Variants in FSD2 observed in about 807,000 individuals in gnomAD.
FSD2 encodes fibronectin type III and SPRY domain containing 2.
A neutral mutation model predicts 80.4 loss-of-function variants in FSD2; 71 were observed. The observed-to-expected ratio is 0.88, with a 90% CI of 0.73 to 1.08. The LOEUF is 1.08. Among genes scored for constraint, FSD2 ranks in the 50% least tolerant of loss-of-function variants. The pLI is 0.00. For synonymous variants in FSD2, 361 were observed against 329.5 expected (o/e 1.10, Z -1.03); for missense variants, 923 against 913.8 (o/e 1.01, Z -0.13).
chr15:82,794,955 A>T (rs1213002215), intron 1 of FSD2, among the ~76,000 whole-genome samples: 1 of 151,706 alleles, frequency 6.6e-6, no homozygotes, highest in Non-Finnish European at 1.5e-5. Context: ...CGATCTCCTG[A>T]CCTCGTGATC....
chr15:82,780,316 C>G, intron 4 of FSD2, 49 bp from the exon 5 acceptor site: 6 of 1,275,028 alleles, frequency 4.7e-6, no homozygotes, highest in Non-Finnish European at 6.4e-6. Context: ...AAATAAATTT[C>G]TTTTTTCTTT....
chr15:82,759,324 C>CAGG lies in FSD2; in HGVS notation c.*21_*23dup, dbSNP rs748312699. On this transcript the variant is annotated 3_prime_UTR_variant, in exon 13 of 13. Transcript: ENST00000334574. ...CTGCGAGAGGGGTAGGCATGGAAGA[C>CAGG]AGGAAACTGGACATCAGAATGTTCT... is the stretch of plus-strand genomic sequence containing the variant. The CAGG allele has an allele frequency of 6.2e-7, 1 of 1,608,398 alleles. No individual in the cohort carries two copies. The highest frequency in any genetic ancestry group is 8.5e-7 in the Non-Finnish European group (1 of 1,177,588).
chr15:82,762,000 T>C, intron 12 of FSD2, 102 bp downstream of exon 12: 3 of 1,061,738 alleles, frequency 2.8e-6, no homozygotes, highest in Non-Finnish European at 3.9e-6. Flanking sequence ...TCTTAAAATA[T>C]TTGTAAAATA....
In FSD2 at chr15:82,780,255, T is replaced by C. The variant is rs2049821361; in HGVS notation, c.979A>G (p.Met327Val). The C allele has an allele frequency of 4.6e-6, 7 of 1,507,858 alleles. No homozygotes were observed. Among genetic ancestry groups the C allele is most frequent in the African/African-American group, 1.4e-5 (1 of 69,966 alleles). 93.4% of individuals were successfully genotyped at this position (1,507,858 alleles called of 1,614,324 possible). ...GAACAAATGTATTACCTGTCAGCCA[T>C]AGCCACTGCATCCTAAAAAGGAAAA... is the stretch of plus-strand genomic sequence containing the variant. ...KVDFIKDAVA[M>V]ADRLGKFLKT... The change falls in exon 5 of 13, where the codon ATG (methionine) becomes GTG (valine). Residue 327 changes from methionine to valine, a missense_variant. Physicochemically the swap from Met to Val is conservative, Grantham distance 21. Transcript: ENST00000334574.
rs60095355 is a variant in FSD2 at position 82,764,492 on chromosome 15, C to CTTTTTTTTTTTTTTTTTTTTTTTTTT, written c.1820+673_1820+674insAAAAAAAAAAAAAAAAAAAAAAAAAA. Among the ~76,000 whole-genome samples the CTTTTTTTTTTTTTTTTTTTTTTTTTT allele has an allele frequency of 1.3e-3, 112 of 86,120 alleles. 17 individuals are homozygous for CTTTTTTTTTTTTTTTTTTTTTTTTTT. Among genetic ancestry groups the CTTTTTTTTTTTTTTTTTTTTTTTTTT allele is most frequent in the Non-Finnish European group, 1.6e-3 (71 of 45,412 alleles). The allele number at this position is 86,120 out of a possible 152,430, so 56.5% of individuals were successfully genotyped here. ...CTCTTGTTGCTTCATTCTTTACTTGCTTTTTTTTTTTTTTTTTTTTGAGAA... is the reference window on the plus strand; with the variant it reads ...CTCTTGTTGCTTCATTCTTTACTTGCTTTTTTTTTTTTTTTTTTTTTTTTTTTTTTTTTTTTTTTTTTTTTTGAGAA... On this transcript the variant is annotated intron_variant, in intron 11 of 12. Coordinates refer to ENST00000334574, the MANE Select transcript of FSD2 (RefSeq NM_001007122.4).
At chr15:82,765,796 C>A in intron 10 of FSD2, 102 bp downstream of exon 10, 2 of 1,415,202 alleles carry the variant, frequency 1.4e-6, no homozygotes, top group African/African-American at 2.8e-5. Context: ...GTGTCCACAT[C>A]TGTGCATATT....
chr15:82,789,424 A>G lies in FSD2; in HGVS notation c.-78-1956T>C, dbSNP rs941843194. ...AATAGCTACTACTTCTTGAACACTT[A>G]TCGTATGCCTTTTCTGTGTTAGGCA... is the stretch of plus-strand genomic sequence containing the variant. On this transcript the variant is annotated intron_variant, in intron 1 of 12. Transcript: ENST00000334574. 2.0e-5 allele frequency among the ~76,000 whole-genome samples: 3 copies of G among 151,644 alleles called. No individual in the cohort carries two copies. The East Asian group carries it at 5.8e-4, about 29-fold the overall frequency.
chr15:82,780,409 A>G, intron 4 of FSD2, 142 bp from the exon 5 acceptor site: 1 of 573,316 alleles, frequency 1.7e-6, no homozygotes, highest in Non-Finnish European at 3.0e-6. Flanking sequence ...ATCTCGGCTC[A>G]CTGCAACCTC....
chr15:82,777,495 TG>T (rs1380581640), intron 6 of FSD2, among the ~76,000 whole-genome samples: 3 of 151,980 alleles, frequency 2.0e-5, no homozygotes, highest in African/African-American at 7.3e-5. Flanking sequence ...ATCAGGAAAA[TG>T]CGCATCAAAA....
rs1157032552 is a variant in FSD2 at position 82,756,074 on chromosome 15, T to TA, written c.*3273dup. ...GACCTACTTATCTACCAACAGCAATTACACGCTTTCCATTGTCTTCCTATA... is the reference window on the plus strand; with the variant it reads ...GACCTACTTATCTACCAACAGCAATTAACACGCTTTCCATTGTCTTCCTATA... On this transcript the variant is annotated 3_prime_UTR_variant, in exon 13 of 13. Transcript: ENST00000334574. 2 of 475,728 alleles carry TA rather than the reference T, an allele frequency of 4.2e-6. No homozygotes were observed. The highest frequency in any genetic ancestry group is 1.6e-5 in the South Asian group (1 of 64,290). 29.5% of individuals were successfully genotyped at this position (475,728 alleles called of 1,614,324 possible).
intron 6 of FSD2, 111 bp downstream of exon 6, chr15:82,778,655 A>G: frequency 8.2e-7 from 1 of 1,218,200 alleles, no homozygotes; most frequent in Non-Finnish European, 1.1e-6. Flanking sequence ...TGTATTGTAC[A>G]CTTTAAAATT....
intron 7 of FSD2, among the ~76,000 whole-genome samples, chr15:82,770,564 G>A (rs1294166332): frequency 3.3e-5 from 5 of 152,148 alleles, no homozygotes; most frequent in East Asian, 1.9e-4. Context: ...CCAGCTACTC[G>A]GGAGGCCGAG....
At chr15:82,793,654 T>A (rs918656772) in intron 1 of FSD2, among the ~76,000 whole-genome samples, 1 of 152,220 alleles carries the variant, frequency 6.6e-6, no homozygotes, top group African/African-American at 2.4e-5. Context: ...GCTAGTTTTT[T>A]AATTATTAAT....
chr15:82,775,301 G>C (rs752504201), intron 6 of FSD2, among the ~76,000 whole-genome samples: 52 of 151,886 alleles, frequency 3.4e-4, no homozygotes, highest in Non-Finnish European at 6.9e-4. Flanking sequence ...GGGAGGCTGA[G>C]GCAGGAGAAT....
At chr15:82,793,066 G>C (rs1268433128) in intron 1 of FSD2, among the ~76,000 whole-genome samples, 1 of 152,102 alleles carries the variant, frequency 6.6e-6, no homozygotes, top group Non-Finnish European at 1.5e-5. Flanking sequence ...CCTGGTCCTA[G>C]ACTTTTCTTT....
At chr15:82,783,123 C>T (rs1490011968) in intron 3 of FSD2, 98 bp from the exon 4 acceptor site, 87 of 852,750 alleles carry the variant, frequency 1.0e-4, no homozygotes, top group Admixed American at 2.5e-5. Context: ...TTTTGAGACA[C>T]AGTCTTGCAG....
At chr15:82,796,399 G>A (rs376174849) in intron 1 of FSD2, 24 of 153,896 alleles carry the variant, frequency 1.6e-4, no homozygotes, top group African/African-American at 5.8e-4. Flanking sequence ...TGGAAACACA[G>A]GTGAACCAAG....
chr15:82,763,409 T>A lies in FSD2; in HGVS notation c.1821-1131A>T, dbSNP rs117008454. On this transcript the variant is annotated intron_variant, in intron 11 of 12. Coordinates refer to ENST00000334574, the MANE Select transcript of FSD2 (RefSeq NM_001007122.4). ...CTTGGGCAAGTTACTTCTCTGTGTT[T>A]TAAGTATTCTCATCCGTCAACTGGG... is the stretch of plus-strand genomic sequence containing the variant. Among the ~76,000 whole-genome samples, 637 of 152,348 alleles carry A rather than the reference T, an allele frequency of 4.2e-3. 1 individual carries two copies. Among genetic ancestry groups the A allele is most frequent in the Non-Finnish European group, 6.9e-3 (471 of 68,032 alleles).
In FSD2 at chr15:82,760,103, T is replaced by C. The variant is rs72753949; in HGVS notation, c.1998-503A>G. Among the ~76,000 whole-genome samples, 1,080 of 152,348 alleles carry C rather than the reference T, an allele frequency of 7.1e-3. 12 individuals carry two copies. Among genetic ancestry groups the C allele is most frequent in the Non-Finnish European group, 7.9e-3 (535 of 68,034 alleles). On this transcript the variant is annotated intron_variant, in intron 12 of 12. Coordinates refer to ENST00000334574, the MANE Select transcript of FSD2 (RefSeq NM_001007122.4). ...GCCACTGCTTCTGGCCGAAACATTT[T>C]TCAAACATCATTTTTTCTCTAGCAA...
Sources: allele counts gnomAD v4.1 joint callset (sites outside exome capture counted in the v4.1 genomes callset), GRCh38; gene constraint gnomAD v4.1.1; transcripts MANE v1.5; gene names NCBI Gene and HGNC (gene_info 2026-07-23, HGNC 2026-07-21).